CTNNA2: variants seen among roughly 807,000 people sequenced by gnomAD.
CTNNA2 encodes the protein catenin alpha-2.
Under a neutral mutation model 101.0 loss-of-function variants are expected in CTNNA2, and 42 were observed. The ratio of observed to expected loss-of-function variants is 0.42; its 90% confidence interval spans 0.32 to 0.54. The LOEUF (loss-of-function observed/expected upper bound fraction) is 0.54, where lower values mean the gene tolerates loss of function less well. CTNNA2 is among the 20% of genes least tolerant of loss of function. The pLI, the probability that CTNNA2 is intolerant of heterozygous loss-of-function variation, is 0.14. For missense variants in CTNNA2, 871 were observed against 1,223.1 expected (o/e 0.71, Z 4.29); for synonymous variants, 450 against 456.4 (o/e 0.99, Z 0.18).
intron 6 of CTNNA2, among the ~76,000 whole-genome samples, chr2:79,874,617 T>A (rs1682862613): frequency 6.6e-6 from 1 of 152,088 alleles, no homozygotes; most frequent in South Asian, 2.1e-4. Context: ...GGTCATGAGT[T>A]CGAACATGGA....
chr2:79,364,706 C>T (rs1305992572), intron 3 of CTNNA2, among the ~76,000 whole-genome samples: 1 of 152,044 alleles, frequency 6.6e-6, no homozygotes, highest in Non-Finnish European at 1.5e-5. Flanking sequence ...CTAGAGAAGA[C>T]CCAGAGAAAA....
intron 7 of CTNNA2, among the ~76,000 whole-genome samples, chr2:80,070,112 A>G (rs1698235205): frequency 6.6e-6 from 1 of 152,216 alleles, no homozygotes; most frequent in Non-Finnish European, 1.5e-5. Flanking sequence ...TTCTCAGTCT[A>G]TTCACTCATA....
chr2:79,399,036 A>G (rs1483931333), intron 4 of CTNNA2, among the ~76,000 whole-genome samples: 1 of 152,106 alleles, frequency 6.6e-6, no homozygotes, highest in Non-Finnish European at 1.5e-5. Flanking sequence ...CATCCATCAC[A>G]TGCCTCATTC....
intron 14 of CTNNA2, among the ~76,000 whole-genome samples, chr2:80,584,403 TACA>T: frequency 1.6e-5 from 2 of 128,604 alleles, no homozygotes; most frequent in South Asian, 5.4e-4. Context: ...GCTGCTTGCC[TACA>T]ACATTCTGAG....
chr2:79,445,323 A>G (rs1238023762), intron 4 of CTNNA2, among the ~76,000 whole-genome samples: 2 of 152,150 alleles, frequency 1.3e-5, no homozygotes, highest in Admixed American at 6.6e-5. Flanking sequence ...AGAAAAATCA[A>G]AAGTACCCAA....
intron 1 of CTNNA2, among the ~76,000 whole-genome samples, chr2:79,528,653 A>G (rs1672561837): frequency 6.6e-6 from 1 of 152,154 alleles, no homozygotes; most frequent in Non-Finnish European, 1.5e-5. Flanking sequence ...ACTCCTTGTC[A>G]TAATATTAAA....
chr2:79,565,452 C>T (rs1453951196), intron 1 of CTNNA2, among the ~76,000 whole-genome samples: 1 of 151,978 alleles, frequency 6.6e-6, no homozygotes, highest in Non-Finnish European at 1.5e-5. Context: ...CTCCAGGGAC[C>T]CCTTTATACT....
chr2:79,426,968 A>AT (rs1253070854), intron 4 of CTNNA2, among the ~76,000 whole-genome samples: 1 of 152,100 alleles, frequency 6.6e-6, no homozygotes, highest in Non-Finnish European at 1.5e-5. Context: ...GTAAGTTTTC[A>AT]TTTAGCTGCA....
Position 80,302,494 on chromosome 2 carries a change from C to T in CTNNA2, c.1057-90717C>T. The stretch of plus-strand genomic sequence containing the variant: ...TCCAGGACACGTAGAGCACCAGGAC[C>T]ACGATGAGGAAGGAGAAGATGAGGG... On this transcript the variant is annotated intron_variant, in intron 7 of 18. Transcript: ENST00000402739. The surrounding 1 kb of genome is among the most constrained non-coding windows in gnomAD (Gnocchi z 6.4). The T allele has an allele frequency of 6.2e-7, 1 of 1,613,800 alleles. No individual in the cohort carries two copies.
chr2:79,348,209 C>T (rs972302139), intron 3 of CTNNA2, among the ~76,000 whole-genome samples: 5 of 152,108 alleles, frequency 3.3e-5, no homozygotes, highest in African/African-American at 1.2e-4. Context: ...TTTAAAAGGA[C>T]TATATTGTTC....
chr2:79,211,071 T>C (rs1674166128), intron 2 of CTNNA2, among the ~76,000 whole-genome samples: 1 of 152,194 alleles, frequency 6.6e-6, no homozygotes, highest in African/African-American at 2.4e-5. Context: ...TGAGAGCATA[T>C]AAATCAATTT....
At chr2:80,199,474 GA>G (rs1558895693) in intron 7 of CTNNA2, among the ~76,000 whole-genome samples, 1 of 152,166 alleles carries the variant, frequency 6.6e-6, no homozygotes, top group Non-Finnish European at 1.5e-5. Context: ...TCAGCCAAAA[GA>G]AATGCAAATA....
chr2:79,574,462 TGTG>T (rs1675661891), intron 1 of CTNNA2, among the ~76,000 whole-genome samples: 1 of 152,162 alleles, frequency 6.6e-6, no homozygotes, highest in South Asian at 2.1e-4. Flanking sequence ...AGTGAGAACA[TGTG>T]GTATTTGGTT....
At chr2:80,329,965 G>A (rs780053787) in intron 7 of CTNNA2, among the ~76,000 whole-genome samples, 12 of 152,224 alleles carry the variant, frequency 7.9e-5, no homozygotes, top group African/African-American at 9.6e-5. Flanking sequence ...TGGCTCTTCC[G>A]AAGTACCCAC....
chr2:79,405,791 C>G (rs1678334800), intron 4 of CTNNA2, among the ~76,000 whole-genome samples: 1 of 151,952 alleles, frequency 6.6e-6, no homozygotes, highest in African/African-American at 2.4e-5. Flanking sequence ...TTATGCTGTT[C>G]CCAGAATCCT....
intron 7 of CTNNA2, among the ~76,000 whole-genome samples, chr2:80,214,847 G>C (rs560633833): frequency 6.6e-6 from 1 of 152,326 alleles, no homozygotes; most frequent in South Asian, 2.1e-4. Context: ...ATATCCTGCA[G>C]AGTGTTTTCC....
At chr2:79,332,187 C>T (rs1283657545) in intron 3 of CTNNA2, among the ~76,000 whole-genome samples, 3 of 150,662 alleles carry the variant, frequency 2.0e-5, no homozygotes, top group Non-Finnish European at 2.9e-5. Context: ...GAATAAAAGA[C>T]AAATATATTG....
intron 7 of CTNNA2, among the ~76,000 whole-genome samples, chr2:80,023,810 G>A (rs1306023003): frequency 2.6e-5 from 4 of 152,126 alleles, no homozygotes; most frequent in East Asian, 1.9e-4. Flanking sequence ...AGGTTTGGCC[G>A]GACGTGGTGG....
intron 9 of CTNNA2, among the ~76,000 whole-genome samples, chr2:80,447,922 T>C (rs1683201155): frequency 6.6e-6 from 1 of 152,204 alleles, no homozygotes; most frequent in South Asian, 2.1e-4. Flanking sequence ...GTGAAACTAA[T>C]CTTTTCATCC....
Sources: gnomAD v4.1 joint callset for allele counts (sites outside exome capture counted in the v4.1 genomes callset) on GRCh38, gnomAD v4.1.1 for gene constraint, Gnocchi (gnomAD v3.1) non-coding constraint, MANE v1.5 for transcripts, NCBI Gene and HGNC (gene_info 2026-07-23, HGNC 2026-07-21) for gene names.